The following ARB2A variants were observed in gnomAD, a reference collection of about 807,000 sequenced individuals.
ARB2A encodes the protein cotranscriptional regulator ARB2A.
the ARB2A span, among the ~76,000 whole-genome samples, chr5:93,652,951 C>CTAG: frequency 6.6e-6 from 1 of 152,026 alleles, no homozygotes; most frequent in Non-Finnish European, 1.5e-5. Context: ...TGCTTATGTC[C>CTAG]CATTTCTCAG....
the ARB2A span, among the ~76,000 whole-genome samples, chr5:94,035,887 T>C: frequency 6.6e-6 from 1 of 151,922 alleles, no homozygotes; most frequent in Non-Finnish European, 1.5e-5. Context: ...AGGGACAGCA[T>C]TAGGAGAAAT....
chr5:93,949,447 G>C, the ARB2A span, among the ~76,000 whole-genome samples: 1 of 152,130 alleles, frequency 6.6e-6, no homozygotes, highest in Middle Eastern at 3.4e-3. Flanking sequence ...TGTAGTCCCA[G>C]CTACTTGGGA....
chr5:94,076,206 G>A, the ARB2A span, among the ~76,000 whole-genome samples: 1 of 151,980 alleles, frequency 6.6e-6, no homozygotes, highest in Non-Finnish European at 1.5e-5. Flanking sequence ...AGTACAGAAG[G>A]TATATATAGC....
At chr5:93,827,939 C>T in the ARB2A span, among the ~76,000 whole-genome samples, 4 of 152,168 alleles carry the variant, frequency 2.6e-5, no homozygotes, top group African/African-American at 9.7e-5. Flanking sequence ...GGGCTCTGTT[C>T]TGTTCCATTG....
chr5:93,957,924 A>G, the ARB2A span, among the ~76,000 whole-genome samples: 1 of 151,312 alleles, frequency 6.6e-6, no homozygotes, highest in Non-Finnish European at 1.5e-5. Context: ...TTTACAAAAG[A>G]CTTTTTACTT....
chr5:93,674,324 G>A, the ARB2A span, among the ~76,000 whole-genome samples: 2 of 152,160 alleles, frequency 1.3e-5, no homozygotes, highest in Non-Finnish European at 2.9e-5. Flanking sequence ...CATGAACCCT[G>A]GCTAAGCTTA....
chr5:94,001,933 T>C, the ARB2A span, among the ~76,000 whole-genome samples: 1 of 152,118 alleles, frequency 6.6e-6, no homozygotes, highest in Admixed American at 6.6e-5. Flanking sequence ...AGTAACATGA[T>C]GGCAAAGTGT....
chr5:93,637,732 A>G, the ARB2A span, among the ~76,000 whole-genome samples: 1 of 152,210 alleles, frequency 6.6e-6, no homozygotes, highest in Non-Finnish European at 1.5e-5. Context: ...CTTTACATAG[A>G]AATTTAGAAT....
chr5:93,786,392 A>G, the ARB2A span, among the ~76,000 whole-genome samples: 1 of 152,226 alleles, frequency 6.6e-6, no homozygotes, highest in East Asian at 1.9e-4. Context: ...AGTGGAAGTG[A>G]TAACACGCAA....
At chr5:94,054,227 G>A in the ARB2A span, among the ~76,000 whole-genome samples, 1 of 152,044 alleles carries the variant, frequency 6.6e-6, no homozygotes, top group Non-Finnish European at 1.5e-5. Flanking sequence ...ACAAACTAAA[G>A]CCCAGGCATT....
At chr5:93,857,878 C>A in the ARB2A span, among the ~76,000 whole-genome samples, 4 of 152,010 alleles carry the variant, frequency 2.6e-5, no homozygotes, top group African/African-American at 9.7e-5. Flanking sequence ...TCTTCTGCGT[C>A]GCTCATGCTG....
chr5:94,093,967 T>C, the ARB2A span, among the ~76,000 whole-genome samples: 2 of 152,140 alleles, frequency 1.3e-5, no homozygotes, highest in African/African-American at 4.8e-5. Flanking sequence ...CCCAAACCAG[T>C]GCCAAACTTA....
At chr5:93,933,567 C>T in the ARB2A span, among the ~76,000 whole-genome samples, 2 of 152,130 alleles carry the variant, frequency 1.3e-5, no homozygotes, top group Non-Finnish European at 2.9e-5. Flanking sequence ...AAACCAAACA[C>T]CGCATGTTCT....
chr5:93,625,557 G>A, the ARB2A span, among the ~76,000 whole-genome samples: 6 of 152,068 alleles, frequency 3.9e-5, no homozygotes, highest in African/African-American at 1.2e-4. Context: ...GCAGGGGATC[G>A]TCCAATGAAA....
the ARB2A span, among the ~76,000 whole-genome samples, chr5:93,783,138 A>G: frequency 1.3e-5 from 2 of 152,110 alleles, no homozygotes; most frequent in Admixed American, 6.5e-5. Flanking sequence ...TGAGTAAGGA[A>G]GTTTTTAGTT....
At chr5:93,855,063 A>C in the ARB2A span, among the ~76,000 whole-genome samples, 1 of 152,104 alleles carries the variant, frequency 6.6e-6, no homozygotes, top group Non-Finnish European at 1.5e-5. Context: ...TGGGGTGTTA[A>C]AGTCTCCCAT....
chr5:93,737,954 GA>G, the ARB2A span: 2 of 441,810 alleles, frequency 4.5e-6, no homozygotes, highest in Admixed American at 2.5e-5. Context: ...AGCAACAAAA[GA>G]AAAAATGGAT....
chr5:93,668,871 T>C, the ARB2A span, among the ~76,000 whole-genome samples: 2 of 152,144 alleles, frequency 1.3e-5, no homozygotes, highest in African/African-American at 4.8e-5. Context: ...AGAGTCAATA[T>C]ATAATGCAGA....
the ARB2A span, among the ~76,000 whole-genome samples, chr5:93,702,755 G>T: frequency 6.6e-6 from 1 of 151,824 alleles, no homozygotes; most frequent in Non-Finnish European, 1.5e-5. Context: ...CACTTCCCTG[G>T]GTTCTCAGAT....
Sources: gnomAD v4.1 joint callset for allele counts (sites outside exome capture counted in the v4.1 genomes callset) on GRCh38, gnomAD v4.1.1 for gene constraint, MANE v1.5 for transcripts, NCBI Gene and HGNC (gene_info 2026-07-23, HGNC 2026-07-21) for gene names.